The following TRPM7 variants were observed in gnomAD, a reference collection of about 807,000 sequenced individuals.
TRPM7 encodes LTRPC ion channel family member 7.
A neutral mutation model predicts 229.7 loss-of-function variants in TRPM7; 134 were observed. The observed-to-expected ratio is 0.58, with a 90% CI of 0.51 to 0.67. The LOEUF is 0.67. Ranked by LOEUF, TRPM7 falls within the 30% of genes least tolerant of loss-of-function variation. TRPM7 has a pLI of 0.00. For synonymous variants in TRPM7, 699 were observed against 715.2 expected (o/e 0.98, Z 0.36); for missense variants, 1,901 against 2,210.0 (o/e 0.86, Z 2.80).
chr15:50,572,746 A>C (rs892344789), intron 36 of TRPM7, among the ~76,000 whole-genome samples: 1 of 152,246 alleles, frequency 6.6e-6, no homozygotes, highest in Non-Finnish European at 1.5e-5. Context: ...TACTGAAAAA[A>C]GTATAGTTGT....
rs377275883 is a variant in TRPM7, at chr15:50,583,866, G to A, written c.4487-707C>T. Among the ~76,000 whole-genome samples the A allele has an allele frequency of 5.3e-5, 8 of 152,186 alleles. No individual in the cohort carries two copies. In the East Asian group the frequency reaches 7.7e-4, roughly 15 times the overall value. On this transcript the variant is annotated intron_variant, in intron 28 of 38. Coordinates refer to ENST00000646667, the MANE Select transcript of TRPM7 (RefSeq NM_017672.6). ...TGGGATTACAGGTGTGAGCCACTGC[G>A]CCTAGCCAGCTTAGAGATTTTCTAC...
intron 1 of TRPM7, among the ~76,000 whole-genome samples, chr15:50,684,297 G>T (rs992944156): frequency 1.1e-4 from 16 of 151,610 alleles, no homozygotes; most frequent in African/African-American, 3.9e-4. Flanking sequence ...GGATTACCAC[G>T]CCCGATTACT....
intron 1 of TRPM7, among the ~76,000 whole-genome samples, chr15:50,666,367 G>A (rs999167094): frequency 6.6e-6 from 1 of 152,044 alleles, no homozygotes; most frequent in African/African-American, 2.4e-5. Context: ...CTGAACCCAG[G>A]GAGCTCGAGG....
chr15:50,678,140 C>G (rs2062138597), intron 1 of TRPM7, among the ~76,000 whole-genome samples: 1 of 150,512 alleles, frequency 6.6e-6, no homozygotes, highest in Admixed American at 6.7e-5. Flanking sequence ...ACTCGGGAGG[C>G]TGAGGCAGGA....
At chr15:50,630,869 T>C (rs957120163) in intron 10 of TRPM7, among the ~76,000 whole-genome samples, 2 of 152,090 alleles carry the variant, frequency 1.3e-5, no homozygotes, top group African/African-American at 4.8e-5. Flanking sequence ...AGGGTCTTGC[T>C]CTGTTGCCCA....
At chr15:50,619,631 T>C (rs2060330743) in intron 13 of TRPM7, 114 bp downstream of exon 13, 1 of 901,518 alleles carries the variant, frequency 1.1e-6, no homozygotes, top group Non-Finnish European at 1.6e-6. Context: ...TTCTGTAAAC[T>C]GTAATTTTAT....
At position 50,575,102 on chromosome 15, in the gene TRPM7, C is replaced by A. The variant is rs1383783574; in HGVS notation, c.4769G>T (p.Ser1590Ile). 13 of 1,613,294 alleles carry A rather than the reference C, an allele frequency of 8.1e-6. No individual in the cohort carries two copies. The highest frequency in any genetic ancestry group is 1.7e-5 in the Admixed American group (1 of 59,978). ...GCTGTTATTTAGTATGTTGGGTGAA[C>A]TCTCTTCCAAACGATACACTGTGAC... is the stretch of plus-strand genomic sequence containing the variant. ...EPVTVYRLEE[S>I]SPNILNNSMS... Residue 1590 changes from serine (S) to isoleucine (I), a missense_variant, in exon 34 of 39, where the codon AGT (serine) becomes ATT (isoleucine). Physicochemically the swap from Ser to Ile is moderately radical, Grantham distance 142. Around this residue, in one of 8 missense-constraint regions of TRPM7, gnomAD observed 257 missense variants for 352.0 expected, o/e 0.73. Coordinates refer to ENST00000646667, the MANE Select transcript of TRPM7 (RefSeq NM_017672.6).
chr15:50,628,046 T>C (rs1323934928), intron 11 of TRPM7, 103 bp downstream of exon 11: 14 of 798,690 alleles, frequency 1.8e-5, no homozygotes, highest in Admixed American at 2.4e-5. Context: ...TTTTGAACTA[T>C]TGGCAGAAAG....
chr15:50,606,782 AGCCACCGC>A lies in TRPM7; in HGVS notation c.2709+410_2709+417del, dbSNP rs2059929239. 3.9e-5 allele frequency among the ~76,000 whole-genome samples: 6 copies of A among 152,346 alleles called. No individual in the cohort carries two copies. In the South Asian group the frequency reaches 1.2e-3, roughly 32 times the overall value. On this transcript the variant is annotated intron_variant, in intron 20 of 38. Coordinates refer to ENST00000646667, the MANE Select transcript of TRPM7 (RefSeq NM_017672.6). ...CTAAGGTGCTGCCATTACAGGCGTG[AGCCACCGC>A]GCCTGGCCTAAAGACCTATTTATAA...
Position 50,634,505 on chromosome 15 carries a change from T to C in TRPM7, c.884A>G (p.Asn295Ser). 1.3e-6 allele frequency: 2 copies of C among 1,572,250 alleles called. No homozygotes were observed. Among genetic ancestry groups the C allele is most frequent in the South Asian group, 1.2e-5 (1 of 83,816 alleles). Residue 295 changes from asparagine (N) to serine (S), a missense_variant, in exon 8 of 39, where the codon AAT becomes AGT. Physicochemically the swap from Asn to Ser is conservative, Grantham distance 46. Around this residue, in one of 8 missense-constraint regions of TRPM7, gnomAD observed 794 missense variants for 881.9 expected, o/e 0.90. Coordinates refer to ENST00000646667, the MANE Select transcript of TRPM7 (RefSeq NM_017672.6). ...VVALIFEGGP[N>S]VILTVLEYLQ... is the part of the protein sequence containing the mutation. ...GTATTCAAGAACTGTGAGGATAACA[T>C]TTGGCCCACCCTCAAATATAAGTGC...
chr15:50,567,890 C>T (rs570702860), intron 38 of TRPM7, among the ~76,000 whole-genome samples: 6 of 151,932 alleles, frequency 3.9e-5, no homozygotes, highest in African/African-American at 1.4e-4. Context: ...AGATCGAGAC[C>T]ATGGTGAAAC....
chr15:50,655,041 C>A (rs2140880904), intron 3 of TRPM7, among the ~76,000 whole-genome samples: 4 of 127,000 alleles, frequency 3.1e-5, no homozygotes, highest in African/African-American at 2.9e-5. Flanking sequence ...ACTGGATGGA[C>A]AAAACAGCAA....
At chr15:50,685,907 C>A (rs553282360) in intron 1 of TRPM7, among the ~76,000 whole-genome samples, 11 of 152,260 alleles carry the variant, frequency 7.2e-5, no homozygotes, top group African/African-American at 2.2e-4. Context: ...AAGCCTCCCC[C>A]CACCCACCAA....
chr15:50,618,592 TAAATAAA>T (rs2060297726), intron 13 of TRPM7, among the ~76,000 whole-genome samples: 3 of 146,926 alleles, frequency 2.0e-5, no homozygotes, highest in African/African-American at 7.4e-5. Context: ...AATAAATAAA[TAAATAAA>T]TAAATAAATA....
intron 26 of TRPM7, among the ~76,000 whole-genome samples, 184 bp from the exon 27 acceptor site, chr15:50,589,840 G>A (rs2059439004): frequency 7.8e-6 from 1 of 128,522 alleles, no homozygotes; most frequent in African/African-American, 2.9e-5. Flanking sequence ...GCTGGTGAAG[G>A]TTACAGTTTT....
intron 27 of TRPM7, chr15:50,588,288 C>A: frequency 1.0e-6 from 1 of 961,662 alleles, no homozygotes; most frequent in Non-Finnish European, 1.2e-6. Context: ...TATTCTCAAA[C>A]TTAAAGGCAA....
intron 3 of TRPM7, among the ~76,000 whole-genome samples, 154 bp downstream of exon 3, chr15:50,657,627 C>G (rs2061610319): frequency 6.6e-6 from 1 of 152,160 alleles, no homozygotes; most frequent in African/African-American, 2.4e-5. Flanking sequence ...TTTCAAACAG[C>G]CTTGACTGAC....
chr15:50,677,622 C>A (rs955830903), intron 1 of TRPM7, among the ~76,000 whole-genome samples: 36 of 151,488 alleles, frequency 2.4e-4, no homozygotes, highest in African/African-American at 8.2e-4. Context: ...GCCTGTAATC[C>A]CGGCTACTCA....
chr15:50,582,420 T>C (rs2054466328), intron 29 of TRPM7: 2 of 152,208 alleles, frequency 1.3e-5, no homozygotes, highest in African/African-American at 4.8e-5. Context: ...CACTATCTTA[T>C]CAGAAATCAA....
Sources: allele counts gnomAD v4.1 joint callset (sites outside exome capture counted in the v4.1 genomes callset), GRCh38; gene constraint gnomAD v4.1.1; regional missense constraint gnomAD v4.1.1; transcripts MANE v1.5; gene names NCBI Gene and HGNC (gene_info 2026-07-23, HGNC 2026-07-21).